RNLS: variants seen among roughly 807,000 people sequenced by gnomAD.
RNLS encodes the protein renalase, FAD dependent amine oxidase.
Under a neutral mutation model 39.8 loss-of-function variants are expected in RNLS, and 39 were observed. The observed-to-expected ratio is 0.98, with a 90% CI of 0.76 to 1.28. RNLS has a LOEUF of 1.28. Ranked by LOEUF, RNLS falls within the 50% of genes most tolerant of loss-of-function variation. The pLI, the probability that RNLS is intolerant of heterozygous loss-of-function variation, is 0.00. For missense variants in RNLS, 410 were observed against 413.3 expected (o/e 0.99, Z 0.07); for synonymous variants, 147 against 150.7 (o/e 0.98, Z 0.18).
At chr10:88,175,249 A>T in the RNLS span, among the ~76,000 whole-genome samples, 1 of 151,698 alleles carries the variant, frequency 6.6e-6, no homozygotes, top group African/African-American at 2.4e-5. Context: ...TATTTCATTT[A>T]GTTCTGGTCT....
chr10:88,463,140 GC>G (rs1467203977), intron 4 of RNLS, among the ~76,000 whole-genome samples: 1 of 151,870 alleles, frequency 6.6e-6, no homozygotes, highest in Non-Finnish European at 1.5e-5. Flanking sequence ...GAAGTCCTAA[GC>G]CCCAGTACCT....
At chr10:88,255,899 G>A in the RNLS span, among the ~76,000 whole-genome samples, 2 of 152,080 alleles carry the variant, frequency 1.3e-5, no homozygotes, top group South Asian at 4.1e-4. Flanking sequence ...GCAGCCCTGT[G>A]AGGATTCTCA....
chr10:88,562,555 G>T (rs185783975), intron 4 of RNLS, among the ~76,000 whole-genome samples: 1 of 152,162 alleles, frequency 6.6e-6, no homozygotes, highest in East Asian at 1.9e-4. Context: ...GGAATAAATA[G>T]GTTTGTAAGG....
chr10:88,429,858 G>A (rs1352362375), intron 4 of RNLS, among the ~76,000 whole-genome samples: 1 of 151,798 alleles, frequency 6.6e-6, no homozygotes, highest in Non-Finnish European at 1.5e-5. Context: ...ATATACAAGT[G>A]AAATGATTTC....
At chr10:88,337,068 A>AG (rs1564706034) in intron 5 of RNLS, among the ~76,000 whole-genome samples, 2 of 152,174 alleles carry the variant, frequency 1.3e-5, no homozygotes. Context: ...TATTTTAGGG[A>AG]GAAAAAAATA....
At chr10:88,263,872 A>G in the RNLS span, among the ~76,000 whole-genome samples, 1 of 152,134 alleles carries the variant, frequency 6.6e-6, no homozygotes, top group South Asian at 2.1e-4. Context: ...GTTTTATTAT[A>G]TGAATAAGCT....
intron 6 of RNLS, chr10:88,309,403 G>A (rs1255680993): frequency 1.6e-6 from 2 of 1,289,322 alleles, no homozygotes; most frequent in Admixed American, 2.3e-5. Flanking sequence ...TTAATCTCAT[G>A]AGGGGATAAT....
chr10:88,548,879 T>C (rs1204979370), intron 4 of RNLS, among the ~76,000 whole-genome samples: 1 of 152,022 alleles, frequency 6.6e-6, no homozygotes, highest in South Asian at 2.1e-4. Context: ...TATAACAGTA[T>C]CAACATGAAT....
At chr10:88,207,069 C>T in the RNLS span, among the ~76,000 whole-genome samples, 12 of 151,998 alleles carry the variant, frequency 7.9e-5, no homozygotes, top group East Asian at 3.8e-4. Flanking sequence ...CATTTTAAAA[C>T]GGAGAGATTA....
At chr10:88,281,688 A>G (rs189957121), downstream of RNLS, among the ~76,000 whole-genome samples, 142 of 152,256 alleles carry the variant, frequency 9.3e-4, 1 homozygote, top group African/African-American at 3.1e-3. Flanking sequence ...GAAAATCAAC[A>G]TAAGGGTTGT....
chr10:88,411,522 G>GTT (rs796642062), intron 4 of RNLS, among the ~76,000 whole-genome samples: 2 of 142,466 alleles, frequency 1.4e-5, no homozygotes, highest in Non-Finnish European at 3.1e-5. Context: ...CCCATCTTCT[G>GTT]TTTTTTTTTT....
At chr10:88,551,311 A>G (rs1209917842) in intron 4 of RNLS, among the ~76,000 whole-genome samples, 1 of 152,232 alleles carries the variant, frequency 6.6e-6, no homozygotes, top group Admixed American at 6.5e-5. Flanking sequence ...AAATTTTTTA[A>G]TATTTTCAAA....
intron 4 of RNLS, among the ~76,000 whole-genome samples, chr10:88,530,373 T>C (rs1847346194): frequency 6.6e-6 from 1 of 152,194 alleles, no homozygotes; most frequent in African/African-American, 2.4e-5. Flanking sequence ...ACCACCTTAT[T>C]CTTTGTTTCC....
intron 4 of RNLS, among the ~76,000 whole-genome samples, chr10:88,531,117 T>C (rs1847395788): frequency 6.6e-6 from 1 of 152,108 alleles, no homozygotes; most frequent in African/African-American, 2.4e-5. Context: ...CTAAAGCCAC[T>C]GGTCCCAATA....
At chr10:88,261,555 G>T in the RNLS span, among the ~76,000 whole-genome samples, 3 of 152,132 alleles carry the variant, frequency 2.0e-5, no homozygotes, top group Admixed American at 2.0e-4. Flanking sequence ...AGTGACACAT[G>T]TCACTTCTGC....
At chr10:88,548,966 A>G (rs1848478555) in intron 4 of RNLS, among the ~76,000 whole-genome samples, 1 of 152,056 alleles carries the variant, frequency 6.6e-6, no homozygotes, top group Admixed American at 6.6e-5. Flanking sequence ...CAGCTTAGGT[A>G]ATGTCTCTTA....
At chr10:88,188,089 G>A in the RNLS span, among the ~76,000 whole-genome samples, 6 of 151,782 alleles carry the variant, frequency 4.0e-5, no homozygotes, top group African/African-American at 9.7e-5. Context: ...ATGGAGTCTC[G>A]CTCTGTCACC....
intron 4 of RNLS, among the ~76,000 whole-genome samples, chr10:88,538,991 G>A (rs1321358189): frequency 6.6e-6 from 1 of 152,086 alleles, no homozygotes; most frequent in Non-Finnish European, 1.5e-5. Context: ...TTAATGGGGT[G>A]ACACATTCTG....
chr10:88,324,322 G>A (rs1846409992), intron 5 of RNLS, among the ~76,000 whole-genome samples: 1 of 151,398 alleles, frequency 6.6e-6, no homozygotes, highest in Admixed American at 6.6e-5. Context: ...GCAAAGTCAG[G>A]GAATCAAGCT....
Sources: allele counts gnomAD v4.1 joint callset (sites outside exome capture counted in the v4.1 genomes callset), GRCh38; gene constraint gnomAD v4.1.1; transcripts MANE v1.5; gene names NCBI Gene and HGNC (gene_info 2026-07-23, HGNC 2026-07-21).